Variants in ATAD3B observed in about 807,000 individuals in gnomAD.
ATAD3B encodes the protein ATPase family AAA domain-containing protein 3B.
In ATAD3B, 59 loss-of-function variants were observed where a neutral mutation model predicts 70.2. The ratio of observed to expected loss-of-function variants is 0.84; its 90% confidence interval spans 0.68 to 1.04. ATAD3B has a LOEUF of 1.04. Among genes scored for constraint, ATAD3B ranks in the 50% least tolerant of loss-of-function variants. The pLI, the probability that ATAD3B is intolerant of heterozygous loss-of-function variation, is 0.00. For synonymous variants in ATAD3B, 423 were observed against 388.6 expected (o/e 1.09, Z -1.04); for missense variants, 961 against 913.4 (o/e 1.05, Z -0.67).
At position 1,490,399 on chromosome 1, in the gene ATAD3B, C is replaced by T; in HGVS notation, c.1480C>T (p.Leu494Phe). ...LVRLHFDNCV[L>F]KPATEGKRRL... The stretch of plus-strand genomic sequence containing the variant: ...GAGACTGCATTTTGACAACTGTGTT[C>T]TTAAGCCGGCCACAGAAGGAAAACG... Residue 494 changes from leucine to phenylalanine, a missense_variant, in exon 14 of 16, where the codon CTT becomes TTT. By Grantham distance (22) the Leu-to-Phe change is conservative. Transcript: ENST00000673477. The T allele has an allele frequency of 1.9e-6, 3 of 1,613,470 alleles. No individual in the cohort carries two copies. Among genetic ancestry groups the T allele is most frequent in the Non-Finnish European group, 1.7e-6 (2 of 1,179,698 alleles).
At chr1:1,473,556 C>T (rs895508805) in intron 1 of ATAD3B, among the ~76,000 whole-genome samples, 2 of 149,504 alleles carry the variant, frequency 1.3e-5, no homozygotes, top group Admixed American at 1.4e-4. Flanking sequence ...AGTGCAATGG[C>T]GCCATCTTGT....
Position 1,486,529 on chromosome 1 carries a change from A to T in ATAD3B, c.1090-15A>T, listed in dbSNP as rs761025941. ...GGGAACATCTGTTCTGTCTCCCCTC[A>T]CTCTTCTTGTCCAGAAACTCGCCCT... On this transcript the variant is annotated splice_polypyrimidine_tract_variant and intron_variant, in intron 10 of 15. Transcript: ENST00000673477. 27 of 1,611,510 alleles carry T rather than the reference A, an allele frequency of 1.7e-5. No individual in the cohort carries two copies. Among genetic ancestry groups the T allele is most frequent in the Non-Finnish European group, 2.1e-5 (25 of 1,179,384 alleles).
In ATAD3B at chr1:1,486,146, G is replaced by A. The variant is rs1640202943; in HGVS notation, c.1000G>A (p.Ala334Thr). The A allele has an allele frequency of 6.2e-7, 1 of 1,613,154 alleles. No homozygotes were observed. Among genetic ancestry groups the A allele is most frequent in the African/African-American group, 1.3e-5 (1 of 75,004 alleles). Residue 334 changes from alanine to threonine, a missense_variant, in exon 10 of 16, where the codon GCA becomes ACA. Transcript: ENST00000673477. Reference protein sequence around the residue: ...LEARVRDIAIATRNTKKNRGL... With the variant: ...LEARVRDIAITTRNTKKNRGL... Reference sequence around the variant, plus strand: ...AGCACGGGTGCGCGACATCGCCATAGCAACCAGGAACACCAAGAAGAACCG... The same window carrying A: ...AGCACGGGTGCGCGACATCGCCATAACAACCAGGAACACCAAGAAGAACCG...
intron 1 of ATAD3B, among the ~76,000 whole-genome samples, chr1:1,473,654 C>A (rs1336717174): frequency 1.3e-5 from 2 of 150,760 alleles, no homozygotes; most frequent in African/African-American, 4.9e-5. Flanking sequence ...CGCCACCACG[C>A]CCAGCTAATT....
At chr1:1,509,203 A>G in the ATAD3B span, 1 of 1,612,588 alleles carries the variant, frequency 6.2e-7, no homozygotes, top group Non-Finnish European at 8.5e-7. Flanking sequence ...TCTCCCCACT[A>G]GGCCACGGCG....
chr1:1,477,448 G>T, intron 2 of ATAD3B, 98 bp downstream of exon 2: 3 of 1,572,614 alleles, frequency 1.9e-6, no homozygotes, highest in Non-Finnish European at 1.7e-6. Flanking sequence ...CCAGGGGCGT[G>T]TACATGGGCA....
rs1318768224 is a variant in ATAD3B, at chr1:1,478,386, T to A, written c.283-258T>A. ...TGCCTGGAGCTGCCCAGAAACAGCC[T>A]TGTGGGGTGGGGTTGGTGTCTGACC... On this transcript the variant is annotated intron_variant, in intron 2 of 15. Transcript: ENST00000673477. The A allele has an allele frequency of 2.7e-6, 4 of 1,473,036 alleles. No homozygotes were observed. In the African/African-American group the frequency reaches 5.6e-5, roughly 21 times the overall value. 91.2% of individuals were successfully genotyped at this position (1,473,036 alleles called of 1,614,324 possible).
At chr1:1,487,357 G>A (rs1640276241) in intron 11 of ATAD3B, among the ~76,000 whole-genome samples, 3 of 151,820 alleles carry the variant, frequency 2.0e-5, no homozygotes, top group Non-Finnish European at 4.4e-5. Flanking sequence ...GCATGGTGGT[G>A]GGCACCTGTA....
intron 7 of ATAD3B, 141 bp downstream of exon 7, chr1:1,482,755 C>A (rs753236786): frequency 7.4e-7 from 1 of 1,352,764 alleles, no homozygotes; most frequent in Non-Finnish European, 1.0e-6. Context: ...GTTGTACCTG[C>A]TGGGCTCGGC....
In ATAD3B at chr1:1,495,548, G is replaced by A; in HGVS notation, c.1678G>A (p.Asp560Asn). The change falls in exon 16 of 16, where the codon GAT (aspartate) becomes AAT (asparagine). Residue 560 changes from aspartate (D) to asparagine (N), a missense_variant. Physicochemically the swap from Asp to Asn is conservative, Grantham distance 23. Around this residue, in one of 4 missense-constraint regions of ATAD3B, gnomAD observed 417 missense variants for 335.0 expected, o/e 1.24. Transcript: ENST00000673477. ...TEAMMDACVQ[D>N]AVQQYRQKMR... ...GGCCATGATGGACGCCTGTGTGCAA[G>A]ATGCTGTCCAGCAGTACCGACAGAA... 6.2e-7 allele frequency: 1 copy of A among 1,613,096 alleles called. No individual in the cohort carries two copies. The highest frequency in any genetic ancestry group is 8.5e-7 in the Non-Finnish European group (1 of 1,179,346).
In ATAD3B at chr1:1,479,474, C is replaced by G. The variant is rs900202494; in HGVS notation, c.444+366C>G. 2.8e-5 allele frequency among the ~76,000 whole-genome samples: 4 copies of G among 141,706 alleles called. 1 individual carries two copies. The highest frequency in any genetic ancestry group is 6.1e-5 in the Non-Finnish European group (4 of 65,466). 93.0% of individuals were successfully genotyped at this position (141,706 alleles called of 152,430 possible). ...GAAACATGGGCCCACACACACACAC[C>G]CCTGTGCGCACACACCCCTACACAG... On this transcript the variant is annotated intron_variant, in intron 4 of 15. Coordinates refer to ENST00000673477, the MANE Select transcript of ATAD3B (RefSeq NM_031921.6).
chr1:1,486,758 C>A (rs1373207326), intron 11 of ATAD3B, 90 bp downstream of exon 11: 5 of 1,481,622 alleles, frequency 3.4e-6, no homozygotes, highest in Non-Finnish European at 4.5e-6. Flanking sequence ...TCTTGGGGAC[C>A]CTGTCTTTCT....
intron 15 of ATAD3B, among the ~76,000 whole-genome samples, chr1:1,493,807 C>T (rs1181277668): frequency 6.6e-6 from 1 of 151,862 alleles, no homozygotes; most frequent in Non-Finnish European, 1.5e-5. Flanking sequence ...TTTAACTATA[C>T]TGCTAAATTC....
In ATAD3B at chr1:1,485,098, G is replaced by A. The variant is rs369217002; in HGVS notation, c.833G>A (p.Arg278Gln). The change falls in exon 8 of 16, where the codon CGG becomes CAG. Residue 278 changes from arginine (R) to glutamine (Q), a missense_variant. Arg to Gln is a conservative substitution (Grantham distance 43). Coordinates refer to ENST00000673477, the MANE Select transcript of ATAD3B (RefSeq NM_031921.6). ...GTCACTGGCCGCTTCATCGAGGCTC[G>A]GCTGGGGAAGCCGTCCCTAGTGAGG... ...TAVTGRFIEA[R>Q]LGKPSLVRET... 3.1e-5 allele frequency: 50 copies of A among 1,610,012 alleles called. No homozygotes were observed. Among genetic ancestry groups the A allele is most frequent in the Middle Eastern group, 2.0e-4 (1 of 4,906 alleles).
At chr1:1,476,831 G>A (rs541518301) in intron 1 of ATAD3B, among the ~76,000 whole-genome samples, 4 of 149,580 alleles carry the variant, frequency 2.7e-5, no homozygotes, top group South Asian at 4.2e-4. Flanking sequence ...TTTAGAGACG[G>A]AGTTGCGCTC....
chr1:1,488,288 C>T (rs1640345088), intron 12 of ATAD3B, among the ~76,000 whole-genome samples: 1 of 152,022 alleles, frequency 6.6e-6, no homozygotes, highest in Non-Finnish European at 1.5e-5. Flanking sequence ...GGGTGTCTGT[C>T]GCCCAGGCTG....
At chr1:1,475,791 C>T (rs1047791175) in intron 1 of ATAD3B, among the ~76,000 whole-genome samples, 1 of 151,798 alleles carries the variant, frequency 6.6e-6, no homozygotes, top group African/African-American at 2.4e-5. Flanking sequence ...ATTCTAATAA[C>T]CGAGAGGCCA....
At position 1,475,617 on chromosome 1, in the gene ATAD3B, C is replaced by T. The variant is rs571199878; in HGVS notation, c.206-1657C>T. 2.7e-4 allele frequency among the ~76,000 whole-genome samples: 41 copies of T among 152,022 alleles called. 1 individual carries two copies. The highest frequency in any genetic ancestry group is 2.1e-3 in the Admixed American group (32 of 15,244). On this transcript the variant is annotated intron_variant, in intron 1 of 15. Coordinates refer to ENST00000673477, the MANE Select transcript of ATAD3B (RefSeq NM_031921.6). Reference sequence around the variant, plus strand: ...TCCTCCGGCCTGTCCTTGGAAGTCACAGCAGTACATTATCCCAGAACTGTC... The same window carrying T: ...TCCTCCGGCCTGTCCTTGGAAGTCATAGCAGTACATTATCCCAGAACTGTC...
intron 15 of ATAD3B, among the ~76,000 whole-genome samples, chr1:1,490,881 A>G (rs546628287): frequency 3.9e-5 from 6 of 152,074 alleles, no homozygotes; most frequent in East Asian, 3.9e-4. Context: ...GGGTGGGGCC[A>G]TGTTGGTTGC....
Sources: gnomAD v4.1 joint callset for allele counts (sites outside exome capture counted in the v4.1 genomes callset) on GRCh38, gnomAD v4.1.1 for gene constraint, gnomAD v4.1.1 regional missense constraint, MANE v1.5 for transcripts, NCBI Gene and HGNC (gene_info 2026-07-23, HGNC 2026-07-21) for gene names.